The following ANOS1 variants were observed in gnomAD, a reference collection of about 807,000 sequenced individuals.
The protein encoded by ANOS1 is anosmin-1.
ANOS1 carries 6 observed loss-of-function variants against 59.0 expected under a neutral mutation model. That is an observed-to-expected ratio of 0.10 (90% CI 0.06 to 0.20). The LOEUF (loss-of-function observed/expected upper bound fraction) is 0.20. ANOS1 is among the 10% of genes least tolerant of loss of function. The probability of loss-of-function intolerance (pLI) is 1.00; values close to 1 mark genes in which losing one functional copy is unlikely to be tolerated. For missense variants in ANOS1, 433 were observed against 542.3 expected (o/e 0.80, Z 2.00); for synonymous variants, 217 against 223.4 (o/e 0.97, Z 0.25).
intron 3 of ANOS1, among the ~76,000 whole-genome samples, chrX:8,621,823 C>T (rs777264519): frequency 2.0e-4 from 22 of 111,472 alleles, no homozygotes; most frequent in Admixed American, 1.9e-3. Flanking sequence ...AAAATAAGCC[C>T]CACAAAAGCT....
At chrX:8,594,766 ATTT>A (rs1239308066) in intron 4 of ANOS1, among the ~76,000 whole-genome samples, 4 of 67,990 alleles carry the variant, frequency 5.9e-5, no homozygotes, top group African/African-American at 2.6e-4. Flanking sequence ...ATATATATAT[ATTT>A]TTTTTTTGCA....
intron 2 of ANOS1, among the ~76,000 whole-genome samples, chrX:8,639,699 T>C (rs1045226742): frequency 8.3e-4 from 93 of 112,465 alleles, no homozygotes; most frequent in Middle Eastern, 4.7e-3. Flanking sequence ...AAAGAATATA[T>C]TACAAAGAGA....
chrX:8,722,203 T>TA (rs1345612802), intron 1 of ANOS1, among the ~76,000 whole-genome samples: 1 of 111,985 alleles, frequency 8.9e-6, no homozygotes, highest in Non-Finnish European at 1.9e-5. Flanking sequence ...CAGTACTTTT[T>TA]AAAAAAATAC....
chrX:8,666,433 T>A (rs1172687019), intron 2 of ANOS1, among the ~76,000 whole-genome samples: 2 of 111,748 alleles, frequency 1.8e-5, no homozygotes, highest in East Asian at 5.6e-4. Flanking sequence ...ATTTTCCCTA[T>A]ATCATAAATG....
chrX:8,602,730 AATTATT>A (rs758760034), intron 3 of ANOS1, among the ~76,000 whole-genome samples: 5 of 108,944 alleles, frequency 4.6e-5, no homozygotes, highest in African/African-American at 1.3e-4. Flanking sequence ...GTCACTCTCA[AATTATT>A]ATTATTATTA....
chrX:8,587,281 A>G (rs1291299356), intron 5 of ANOS1, among the ~76,000 whole-genome samples: 2 of 111,703 alleles, frequency 1.8e-5, no homozygotes, highest in East Asian at 5.6e-4. Flanking sequence ...TAAGTTGACT[A>G]AGACAAAGAA....
chrX:8,600,792 A>G (rs183969115), intron 3 of ANOS1, among the ~76,000 whole-genome samples: 113 of 112,595 alleles, frequency 1.0e-3, no homozygotes, highest in Non-Finnish European at 1.8e-3. Context: ...GTATTTGCCA[A>G]CTTTCTTCTT....
chrX:8,623,471 C>T (rs1461557316), intron 3 of ANOS1, 137 bp downstream of exon 3: 9 of 518,128 alleles, frequency 1.7e-5, no homozygotes, highest in Admixed American at 2.9e-5. Flanking sequence ...CATGAATTTA[C>T]GTATATCCAC....
intron 2 of ANOS1, among the ~76,000 whole-genome samples, chrX:8,665,060 G>A (rs960300418): frequency 3.6e-5 from 4 of 111,730 alleles, no homozygotes; most frequent in South Asian, 3.8e-4. Context: ...GCAAGAGAAC[G>A]ACAAGACAAG....
At chrX:8,668,430 T>TATATATATATATATAC (rs1394731479) in intron 2 of ANOS1, among the ~76,000 whole-genome samples, 5 of 80,256 alleles carry the variant, frequency 6.2e-5, no homozygotes, top group African/African-American at 1.5e-4. Context: ...TATATATATA[T>TATATATATATATATAC]ACACACACAT....
Position 8,599,044 on chromosome X carries a change from C to T in ANOS1, c.319-1788G>A, listed in dbSNP as rs548398736. Among the ~76,000 whole-genome samples the T allele has an allele frequency of 2.1e-4, 23 of 111,622 alleles. 1 individual carries two copies. In the South Asian group the frequency reaches 4.6e-3, roughly 22 times the overall value. On this transcript the variant is annotated intron_variant, in intron 3 of 13. Coordinates refer to ENST00000262648, the MANE Select transcript of ANOS1 (RefSeq NM_000216.4). Reference sequence around the variant, plus strand: ...AATGGTGGGGCCACAGGAGGAGAGACGCCAGAATGCTGTCTGCCCATATGG... The same window carrying T: ...AATGGTGGGGCCACAGGAGGAGAGATGCCAGAATGCTGTCTGCCCATATGG...
chrX:8,700,811 C>A (rs1004294101), intron 1 of ANOS1, among the ~76,000 whole-genome samples: 1 of 111,414 alleles, frequency 9.0e-6, no homozygotes, highest in Non-Finnish European at 1.9e-5. Flanking sequence ...GAGTTCGAGA[C>A]CAGCCTGGCC....
intron 1 of ANOS1, among the ~76,000 whole-genome samples, chrX:8,715,444 CTT>C (rs79202549): frequency 3.1e-5 from 3 of 95,515 alleles, no homozygotes; most frequent in Admixed American, 2.4e-4. Context: ...TTTTCTTTTT[CTT>C]TTTTTTTTTT....
intron 1 of ANOS1, among the ~76,000 whole-genome samples, chrX:8,726,229 A>G (rs1932919468): frequency 9.0e-6 from 1 of 111,368 alleles, no homozygotes; most frequent in African/African-American, 3.3e-5. Context: ...TGGCCCTCTA[A>G]GTGGAATGAT....
intron 2 of ANOS1, among the ~76,000 whole-genome samples, chrX:8,666,148 A>T (rs1427681666): frequency 9.0e-6 from 1 of 111,680 alleles, no homozygotes; most frequent in Non-Finnish European, 1.9e-5. Flanking sequence ...GTGAGCTACA[A>T]TCACGCCACT....
intron 9 of ANOS1, among the ~76,000 whole-genome samples, chrX:8,542,820 T>C (rs774600951): frequency 0.022 from 2,403 of 107,022 alleles, 66 homozygotes; most frequent in African/African-American, 0.079. Flanking sequence ...ATTGTATTCG[T>C]TTCCACCCAA....
chrX:8,694,903 G>A (rs1291810845), intron 2 of ANOS1, among the ~76,000 whole-genome samples: 3 of 111,751 alleles, frequency 2.7e-5, no homozygotes, highest in Non-Finnish European at 1.9e-5. Flanking sequence ...TGCCAAAGGT[G>A]TATATTTACT....
intron 9 of ANOS1, among the ~76,000 whole-genome samples, chrX:8,550,424 C>A (rs1404495158): frequency 1.8e-5 from 2 of 111,581 alleles, no homozygotes; most frequent in East Asian, 5.6e-4. Flanking sequence ...TCTTCAAAAT[C>A]ATTGACACGT....
chrX:8,620,641 C>T (rs1931274256), intron 3 of ANOS1, among the ~76,000 whole-genome samples: 1 of 112,070 alleles, frequency 8.9e-6, no homozygotes, highest in Admixed American at 9.5e-5. Context: ...TAGTCAGATA[C>T]TTACTGCAAA....
Sources: allele counts gnomAD v4.1 joint callset (sites outside exome capture counted in the v4.1 genomes callset), GRCh38; gene constraint gnomAD v4.1.1; transcripts MANE v1.5; gene names NCBI Gene and HGNC (gene_info 2026-07-23, HGNC 2026-07-21).